PLXNA4: variants seen among roughly 807,000 people sequenced by gnomAD.
The protein encoded by PLXNA4 is plexin-A4.
Under a neutral mutation model 191.8 loss-of-function variants are expected in PLXNA4, and 44 were observed. That is an observed-to-expected ratio of 0.23 (90% confidence interval 0.18 to 0.29). The LOEUF is 0.29. Ranked by LOEUF, PLXNA4 falls within the 10% of genes least tolerant of loss-of-function variation. The pLI, the probability that PLXNA4 is intolerant of heterozygous loss-of-function variation, is 1.00. For synonymous variants in PLXNA4, 1,082 were observed against 1,009.5 expected, an observed-to-expected ratio of 1.07 and a Z score of -1.36; for missense variants, 1,800 against 2,488.8, an observed-to-expected ratio of 0.72 and a Z score of 5.89.
chr7:132,346,406 T>A (rs1377055992), intron 3 of PLXNA4, among the ~76,000 whole-genome samples: 1 of 152,198 alleles, frequency 6.6e-6, no homozygotes, highest in South Asian at 2.1e-4. Flanking sequence ...AAGTCAGTAA[T>A]GGAGGAAGCA....
chr7:132,479,114 T>C (rs1313037878), intron 3 of PLXNA4, among the ~76,000 whole-genome samples: 1 of 151,808 alleles, frequency 6.6e-6, no homozygotes, highest in Non-Finnish European at 1.5e-5. Flanking sequence ...TAAAAAATGT[T>C]AAAAATTAGT....
At chr7:132,238,053 C>T (rs73155302) in intron 5 of PLXNA4, among the ~76,000 whole-genome samples, 56,487 of 151,828 alleles carry the variant, frequency 0.37, 10,894 homozygotes, top group East Asian at 0.59. Context: ...AAAATAGTCC[C>T]CGAATGTAGT....
intron 2 of PLXNA4, among the ~76,000 whole-genome samples, chr7:132,596,201 A>G (rs1383587049): frequency 6.6e-6 from 1 of 152,166 alleles, no homozygotes; most frequent in Non-Finnish European, 1.5e-5. Flanking sequence ...CTTGATTTGT[A>G]TGATTGCTTG....
chr7:132,180,038 C>T (rs1796654521), intron 19 of PLXNA4, 117 bp from the exon 20 acceptor site: 2 of 1,441,178 alleles, frequency 1.4e-6, no homozygotes, highest in African/African-American at 1.4e-5. Flanking sequence ...AGACCAATCA[C>T]TGGTGTCAAA....
At chr7:132,138,204 C>T (rs1335093841) in intron 30 of PLXNA4, among the ~76,000 whole-genome samples, 2 of 152,160 alleles carry the variant, frequency 1.3e-5, no homozygotes, top group African/African-American at 2.4e-5. Context: ...AGAAAACCTT[C>T]CCCAAATACA....
rs931169126 is a variant in PLXNA4, at chr7:132,157,188, C to T, written c.4660+2285G>A. On this transcript the variant is annotated intron_variant, in intron 25 of 31. Transcript: ENST00000321063. ...GAACATTCATGGTGAGCACTGGAGA[C>T]CTGTTTCCTCTGGGAAGCGGGTAGC... Among the ~76,000 whole-genome samples the T allele has an allele frequency of 3.9e-5, 6 of 152,206 alleles. 1 individual carries two copies. Among genetic ancestry groups the T allele is most frequent in the Non-Finnish European group, 7.3e-5 (5 of 68,036 alleles).
At chr7:132,152,371 C>T (rs1277340097) in intron 25 of PLXNA4, among the ~76,000 whole-genome samples, 2 of 152,228 alleles carry the variant, frequency 1.3e-5, no homozygotes, top group African/African-American at 4.8e-5. Context: ...CCCTGGTCCC[C>T]TCACGGTGTG....
chr7:132,343,192 C>T (rs1212893734), intron 3 of PLXNA4, among the ~76,000 whole-genome samples: 1 of 151,980 alleles, frequency 6.6e-6, no homozygotes, highest in Admixed American at 6.6e-5. Context: ...TGGGTGAGAT[C>T]CTTCCATGGA....
Position 132,130,283 on chromosome 7 carries a change from T to C in PLXNA4, c.*196A>G. The C allele has an allele frequency of 1.3e-6, 1 of 751,348 alleles. No homozygotes were observed. The highest frequency in any genetic ancestry group is 2.1e-6 in the Non-Finnish European group (1 of 480,432). 46.5% of individuals were successfully genotyped at this position (751,348 alleles called of 1,614,324 possible). A position where few individuals can be genotyped will look rare whatever the true frequency, so the allele number is the denominator to read the frequency against. ...GGGTCAGTGGCTTGGTCCAATCGTGTTGGCAGAGCAACTGGAAGAGAAGAG... is the reference window on the plus strand; with the variant it reads ...GGGTCAGTGGCTTGGTCCAATCGTGCTGGCAGAGCAACTGGAAGAGAAGAG... On this transcript the variant is annotated 3_prime_UTR_variant, in exon 32 of 32. Coordinates refer to ENST00000321063, the MANE Select transcript of PLXNA4 (RefSeq NM_020911.2).
intron 3 of PLXNA4, among the ~76,000 whole-genome samples, chr7:132,407,278 A>G (rs1794261317): frequency 6.6e-6 from 1 of 152,134 alleles, no homozygotes; most frequent in South Asian, 2.1e-4. Flanking sequence ...AACAGCAGGG[A>G]TGAGATGGAC....
intron 13 of PLXNA4, among the ~76,000 whole-genome samples, chr7:132,196,531 A>G (rs1299466363): frequency 6.6e-6 from 1 of 152,176 alleles, no homozygotes; most frequent in African/African-American, 2.4e-5. Flanking sequence ...GGAATTCCCT[A>G]TTTTTACACA....
chr7:132,485,929 C>G (rs1797542145), intron 3 of PLXNA4, among the ~76,000 whole-genome samples: 1 of 152,164 alleles, frequency 6.6e-6, no homozygotes, highest in Non-Finnish European at 1.5e-5. Context: ...GGGACTCATG[C>G]CTTTCAAGCA....
At chr7:132,189,030 AAGAGAGAGAG>A (rs3085197) in intron 14 of PLXNA4, among the ~76,000 whole-genome samples, 2,310 of 61,458 alleles carry the variant, frequency 0.038, 274 homozygotes, top group South Asian at 0.19. Flanking sequence ...GAGAGAGAGA[AAGAGAGAGAG>A]AGAGAGAGAG....
chr7:132,252,031 T>C (rs1799268409), intron 4 of PLXNA4, among the ~76,000 whole-genome samples: 1 of 152,174 alleles, frequency 6.6e-6, no homozygotes, highest in African/African-American at 2.4e-5. Flanking sequence ...AGACGACAGA[T>C]GACCCAAGGA....
chr7:132,391,190 C>A (rs893611450), intron 3 of PLXNA4, among the ~76,000 whole-genome samples: 1 of 152,160 alleles, frequency 6.6e-6, no homozygotes, highest in African/African-American at 2.4e-5. Flanking sequence ...CACGTGTGTG[C>A]ATGAGTGTGT....
intron 1 of PLXNA4, among the ~76,000 whole-genome samples, chr7:132,553,825 G>A (rs530359869): frequency 1.8e-4 from 27 of 152,226 alleles, no homozygotes; most frequent in Non-Finnish European, 2.8e-4. Context: ...TGTCCTCTCT[G>A]GTTGACCAGA....
chr7:132,622,520 T>C (rs959339044), intron 2 of PLXNA4, among the ~76,000 whole-genome samples: 1 of 151,614 alleles, frequency 6.6e-6, no homozygotes. Context: ...TTACAAACTG[T>C]CTAAAGAATT....
At position 132,301,141 on chromosome 7, in the gene PLXNA4, G is replaced by A. The variant is rs140637694; in HGVS notation, c.1372-2919C>T. Among the ~76,000 whole-genome samples the A allele has an allele frequency of 2.6e-3, 392 of 152,220 alleles. 1 individual carries two copies. The highest frequency in any genetic ancestry group is 9.1e-3 in the African/African-American group (379 of 41,532). On this transcript the variant is annotated intron_variant, in intron 3 of 31. Coordinates refer to ENST00000321063, the MANE Select transcript of PLXNA4 (RefSeq NM_020911.2). ...CAGCGAGAAATATGTAACTGGAAAG[G>A]CTCCTTCTCTCTTTTCCCACCCCAC...
At chr7:132,628,928 T>C (rs1473431958) in intron 2 of PLXNA4, among the ~76,000 whole-genome samples, 1 of 152,246 alleles carries the variant, frequency 6.6e-6, no homozygotes, top group Non-Finnish European at 1.5e-5. Context: ...TCAAATTCTG[T>C]CTCATGTTAA....
Sources: gnomAD v4.1 joint callset for allele counts (sites outside exome capture counted in the v4.1 genomes callset) on GRCh38, gnomAD v4.1.1 for gene constraint, MANE v1.5 for transcripts, NCBI Gene and HGNC (gene_info 2026-07-23, HGNC 2026-07-21) for gene names.